Variants in FBXL13 observed in about 807,000 individuals in gnomAD.
The protein encoded by FBXL13 is F-box and leucine-rich repeat protein 13.
In FBXL13, 67 loss-of-function variants were observed where a neutral mutation model predicts 83.6. The ratio of observed to expected loss-of-function variants is 0.80; its 90% CI spans 0.66 to 0.98. FBXL13 has a LOEUF of 0.98. FBXL13 is among the 50% of genes least tolerant of loss of function. FBXL13 has a pLI of 0.00. For missense variants in FBXL13, 822 were observed against 866.5 expected, an observed-to-expected ratio of 0.95 and a Z score of 0.64; for synonymous variants, 272 against 299.5, an observed-to-expected ratio of 0.91 and a Z score of 0.95.
At chr7:102,834,831 G>C (rs1249783957) in intron 17 of FBXL13, 5 of 151,616 alleles carry the variant, frequency 3.3e-5, no homozygotes, top group African/African-American at 4.8e-5. Context: ...AGTATCATAA[G>C]TATGTAAGGT....
intron 6 of FBXL13, among the ~76,000 whole-genome samples, chr7:102,981,292 T>C (rs1324099557): frequency 1.3e-5 from 2 of 152,186 alleles, no homozygotes; most frequent in East Asian, 1.9e-4. Context: ...TTCCTTTTTA[T>C]ACTGGTAAAT....
intron 10 of FBXL13, among the ~76,000 whole-genome samples, chr7:102,916,506 C>T (rs1815895882): frequency 6.6e-6 from 1 of 152,154 alleles, no homozygotes. Flanking sequence ...GCTCAGGAAT[C>T]TTGGGTGGCC....
intron 6 of FBXL13, among the ~76,000 whole-genome samples, chr7:102,975,531 T>C (rs964335668): frequency 2.6e-5 from 4 of 152,198 alleles, no homozygotes; most frequent in African/African-American, 9.7e-5. Context: ...ACCACATGAT[T>C]GTGTGCCTCC....
At chr7:102,917,710 A>T (rs577561066) in intron 10 of FBXL13, among the ~76,000 whole-genome samples, 1 of 152,320 alleles carries the variant, frequency 6.6e-6, no homozygotes, top group East Asian at 1.9e-4. Context: ...CATGTCAAAG[A>T]CATGATAGGA....
rs562064996 is a variant in FBXL13, at chr7:102,913,019, T to G, written c.1008+67A>C. 43 of 1,607,098 alleles carry G rather than the reference T, an allele frequency of 2.7e-5. No individual in the cohort carries two copies. The East Asian group carries it at 9.2e-4, about 34-fold the overall frequency. ...CACAGCATTAGTATAACGTGAGGGC[T>G]GAATGCAGCCCATTCTCTGGAGAAC... On this transcript the variant is annotated intron_variant, in intron 11 of 19. Coordinates refer to ENST00000313221, the Ensembl canonical transcript of FBXL13.
intron 19 of FBXL13, among the ~76,000 whole-genome samples, chr7:102,819,193 C>T (rs915074601): frequency 5.9e-5 from 9 of 152,118 alleles, no homozygotes; most frequent in African/African-American, 2.2e-4. Flanking sequence ...TACCTTGTTG[C>T]CTTTCCCCAC....
intron 17 of FBXL13, among the ~76,000 whole-genome samples, chr7:102,834,140 A>G (rs12671551): frequency 0.12 from 11,892 of 101,870 alleles, 1,002 homozygotes; most frequent in Middle Eastern, 0.16. Context: ...GAAAGAAAGA[A>G]AAGAGAAGAC....
At chr7:102,825,568 G>A (rs541726602) in intron 18 of FBXL13, among the ~76,000 whole-genome samples, 3 of 152,170 alleles carry the variant, frequency 2.0e-5, no homozygotes, top group East Asian at 1.9e-4. Context: ...AACAGAAAAC[G>A]GACTAAGACA....
At chr7:102,892,896 G>A (rs1258360153) in intron 11 of FBXL13, among the ~76,000 whole-genome samples, 1 of 152,074 alleles carries the variant, frequency 6.6e-6, no homozygotes, top group Non-Finnish European at 1.5e-5. Flanking sequence ...GCTTAAAATA[G>A]GCCATGGTGA....
At chr7:102,956,980 G>A (rs758668995) in intron 8 of FBXL13, among the ~76,000 whole-genome samples, 17 of 152,150 alleles carry the variant, frequency 1.1e-4, no homozygotes, top group South Asian at 2.1e-4. Flanking sequence ...TATAGATTCA[G>A]TGCCATCCCC....
At chr7:102,879,643 T>G (rs149440784) in intron 14 of FBXL13, among the ~76,000 whole-genome samples, 1 of 152,290 alleles carries the variant, frequency 6.6e-6, no homozygotes, top group East Asian at 1.9e-4. Context: ...TGGGGTTTCA[T>G]CCCTAAAGAT....
At chr7:103,009,466 C>T (rs1791355613) in intron 6 of FBXL13, among the ~76,000 whole-genome samples, 1 of 152,262 alleles carries the variant, frequency 6.6e-6, no homozygotes, top group Middle Eastern at 3.2e-3. Context: ...GGGATTCACA[C>T]TGTTCACAAG....
intron 17 of FBXL13, among the ~76,000 whole-genome samples, chr7:102,841,567 T>C (rs1029956481): frequency 1.2e-4 from 19 of 152,230 alleles, no homozygotes; most frequent in Non-Finnish European, 2.6e-4. Context: ...CCAGTATCCC[T>C]TGGAACCTTA....
At chr7:103,047,267 T>C (rs1419100356) in intron 2 of FBXL13, among the ~76,000 whole-genome samples, 1 of 152,220 alleles carries the variant, frequency 6.6e-6, no homozygotes, top group Non-Finnish European at 1.5e-5. Flanking sequence ...ATTTTATCTT[T>C]TCCATGATGA....
intron 6 of FBXL13, among the ~76,000 whole-genome samples, chr7:102,995,982 A>G (rs994870321): frequency 6.6e-6 from 1 of 151,868 alleles, no homozygotes; most frequent in Non-Finnish European, 1.5e-5. Context: ...ATTATTCCAA[A>G]CTCTTTGCTA....
intron 10 of FBXL13, among the ~76,000 whole-genome samples, chr7:102,916,285 C>T (rs1211091143): frequency 1.3e-5 from 2 of 152,138 alleles, no homozygotes; most frequent in African/African-American, 4.8e-5. Flanking sequence ...GTGCAACTAG[C>T]CGAGATGAGT....
intron 8 of FBXL13, among the ~76,000 whole-genome samples, chr7:102,953,370 C>A (rs1043414294): frequency 3.3e-5 from 5 of 151,704 alleles, no homozygotes; most frequent in Admixed American, 6.6e-5. Flanking sequence ...AAAAAAAAAT[C>A]AATCAATGTA....
intron 2 of FBXL13, among the ~76,000 whole-genome samples, chr7:103,037,115 C>A (rs1795148679): frequency 6.6e-6 from 1 of 152,200 alleles, no homozygotes. Context: ...TTATCCTAAA[C>A]AACATGAATC....
At chr7:103,049,039 A>T (rs1332369474) in intron 2 of FBXL13, among the ~76,000 whole-genome samples, 1 of 152,208 alleles carries the variant, frequency 6.6e-6, no homozygotes, top group East Asian at 1.9e-4. Flanking sequence ...ACTTACACAG[A>T]CCATCTACAA....
Sources: gnomAD v4.1 joint callset for allele counts (sites outside exome capture counted in the v4.1 genomes callset) on GRCh38, gnomAD v4.1.1 for gene constraint, MANE v1.5 for transcripts, NCBI Gene and HGNC (gene_info 2026-07-23, HGNC 2026-07-21) for gene names.